TRDN: variants seen among roughly 807,000 people sequenced by gnomAD.
TRDN encodes triadin, also known as triadin in skeletal muscle.
Under a neutral mutation model 149.7 loss-of-function variants are expected in TRDN, and 161 were observed. That is an observed-to-expected ratio of 1.08 (90% confidence interval 0.95 to 1.23). The LOEUF (loss-of-function observed/expected upper bound fraction) is 1.23. Ranked by LOEUF, TRDN falls within the 50% of genes most tolerant of loss-of-function variation. TRDN has a pLI of 0.00. For missense variants in TRDN, 896 were observed against 823.5 expected (o/e 1.09, Z -1.08); for synonymous variants, 294 against 250.5 (o/e 1.17, Z -1.64).
At chr6:123,455,418 GTGTGTGTGTGTGTGTGTGTGTC>G (rs1776051359) in intron 10 of TRDN, among the ~76,000 whole-genome samples, 1 of 148,842 alleles carries the variant, frequency 6.7e-6, no homozygotes. Flanking sequence ...GTGTGTGTGT[GTGTGTGTGTGTGTGTGTGTGTC>G]TGTGTGTGTT....
chr6:123,286,517 G>T (rs1777809987), intron 24 of TRDN, among the ~76,000 whole-genome samples: 1 of 151,952 alleles, frequency 6.6e-6, no homozygotes, highest in African/African-American at 2.4e-5. Flanking sequence ...GCATTTTGGG[G>T]ACCAGTTTGA....
chr6:123,504,047 G>T, intron 7 of TRDN, 146 bp from the exon 8 acceptor site: 1 of 817,940 alleles, frequency 1.2e-6, no homozygotes, highest in Non-Finnish European at 1.8e-6. Context: ...GTATTTTTCA[G>T]GAAAACAATG....
chr6:123,560,628 A>T (rs564898214), intron 2 of TRDN, among the ~76,000 whole-genome samples: 22 of 152,268 alleles, frequency 1.4e-4, no homozygotes, highest in African/African-American at 4.6e-4. Context: ...TAAGGTAATT[A>T]AAAAAGCAGC....
chr6:123,366,128 C>CA lies in TRDN; in HGVS notation c.1321+6dup. 1 of 1,609,988 alleles carries CA rather than the reference C, an allele frequency of 6.2e-7. No homozygotes were observed. Among genetic ancestry groups the CA allele is most frequent in the Non-Finnish European group, 8.5e-7 (1 of 1,176,940 alleles). On this transcript the variant is annotated splice_region_variant and intron_variant, in intron 20 of 40. Transcript: ENST00000334268. ...TTATGACATCTTTATCTTTAAGCTG[C>CA]ATTTACCTTTTTTAATTGAAACCGC...
At chr6:123,557,130 G>A (rs774603137) in intron 2 of TRDN, among the ~76,000 whole-genome samples, 2 of 131,446 alleles carry the variant, frequency 1.5e-5, no homozygotes, top group East Asian at 2.4e-4. Context: ...CTTATAAAAC[G>A]GCCGCACCCC....
intron 24 of TRDN, among the ~76,000 whole-genome samples, chr6:123,279,649 C>T (rs541940057): frequency 1.3e-5 from 2 of 152,144 alleles, no homozygotes; most frequent in South Asian, 2.1e-4. Context: ...CATTAATTCA[C>T]TGTAATCTAG....
At chr6:123,438,626 A>G (rs1423332893) in intron 11 of TRDN, among the ~76,000 whole-genome samples, 1 of 152,164 alleles carries the variant, frequency 6.6e-6, no homozygotes, top group Admixed American at 6.5e-5. Flanking sequence ...AGACTGAATT[A>G]GTTAAATAGT....
At chr6:123,560,468 T>C (rs2114495494) in intron 2 of TRDN, among the ~76,000 whole-genome samples, 2 of 152,274 alleles carry the variant, frequency 1.3e-5, no homozygotes, top group Admixed American at 1.3e-4. Context: ...GCCACTTTAC[T>C]TCCAAAGGAA....
intron 1 of TRDN, among the ~76,000 whole-genome samples, chr6:123,572,716 A>T (rs1782646898): frequency 6.6e-6 from 1 of 152,126 alleles, no homozygotes; most frequent in Non-Finnish European, 1.5e-5. Flanking sequence ...GTTAAAAAAC[A>T]TTTTTGTGTA....
chr6:123,288,491 G>A (rs1271570050), intron 24 of TRDN, among the ~76,000 whole-genome samples: 1 of 151,976 alleles, frequency 6.6e-6, no homozygotes, highest in Non-Finnish European at 1.5e-5. Context: ...TTCTGATAAA[G>A]GGCTAAAAGC....
intron 12 of TRDN, among the ~76,000 whole-genome samples, chr6:123,433,069 C>A (rs1317056587): frequency 6.8e-6 from 1 of 146,428 alleles, no homozygotes; most frequent in Non-Finnish European, 1.5e-5. Context: ...TTAATAAAGT[C>A]CAAACACCTA....
intron 23 of TRDN, among the ~76,000 whole-genome samples, chr6:123,326,663 T>C (rs1779468276): frequency 6.6e-6 from 1 of 151,970 alleles, no homozygotes; most frequent in Non-Finnish European, 1.5e-5. Context: ...TCTATTTGAA[T>C]TGAACTGTGT....
At chr6:123,443,317 G>A (rs925407582) in intron 10 of TRDN, among the ~76,000 whole-genome samples, 2 of 151,596 alleles carry the variant, frequency 1.3e-5, no homozygotes, top group Non-Finnish European at 1.5e-5. Flanking sequence ...ATTAAAGCCT[G>A]AGACCATAGG....
Position 123,520,370 on chromosome 6 carries a change from C to T in TRDN, c.485-4164G>A, listed in dbSNP as rs1247485261. On this transcript the variant is annotated intron_variant, in intron 5 of 40. Coordinates refer to ENST00000334268, the MANE Select transcript of TRDN (RefSeq NM_006073.4). ...ATAAGAAAATATGCTCATAAGAGTC[C>T]GTGACAGACCAGGAAAAGAATGTAG... is the stretch of plus-strand genomic sequence containing the variant. Among the ~76,000 whole-genome samples the T allele has an allele frequency of 4.6e-5, 7 of 152,092 alleles. No individual in the cohort carries two copies. The South Asian group carries it at 8.3e-4, about 18-fold the overall frequency.
rs529120936 is a variant in TRDN at position 123,444,845 on chromosome 6, C to T, written c.932-5842G>A. 2.6e-5 allele frequency among the ~76,000 whole-genome samples: 4 copies of T among 152,294 alleles called. No homozygotes were observed. In the South Asian group the frequency reaches 6.2e-4, roughly 24 times the overall value. On this transcript the variant is annotated intron_variant, in intron 10 of 40. Transcript: ENST00000334268. ...ATTTATTGATTTGCGTATGTTGAAC[C>T]AGCCTTGCATTCCAGGGATGAAGCC...
intron 23 of TRDN, among the ~76,000 whole-genome samples, chr6:123,316,969 G>A (rs1303525128): frequency 6.6e-6 from 1 of 151,528 alleles, no homozygotes; most frequent in Non-Finnish European, 1.5e-5. Flanking sequence ...ATTTCCGTTA[G>A]TATCAATTTT....
Position 123,450,269 on chromosome 6 carries a change from T to C in TRDN, c.932-11266A>G, listed in dbSNP as rs528863480. 2.6e-5 allele frequency among the ~76,000 whole-genome samples: 4 copies of C among 152,146 alleles called. No individual in the cohort carries two copies. In the East Asian group the frequency reaches 7.7e-4, roughly 29 times the overall value. On this transcript the variant is annotated intron_variant, in intron 10 of 40. Coordinates refer to ENST00000334268, the MANE Select transcript of TRDN (RefSeq NM_006073.4). ...CATTGAATGTAAACGGCCTAAATGC[T>C]CCACTTAAAAGATACAGAACCACAG...
intron 26 of TRDN, among the ~76,000 whole-genome samples, chr6:123,276,963 G>A (rs1015385935): frequency 1.3e-5 from 2 of 152,152 alleles, no homozygotes; most frequent in African/African-American, 4.8e-5. Flanking sequence ...CAGTCCCAGA[G>A]TACAGAGCAC....
At chr6:123,626,048 T>G (rs1785644316) in intron 1 of TRDN, among the ~76,000 whole-genome samples, 1 of 152,202 alleles carries the variant, frequency 6.6e-6, no homozygotes, top group South Asian at 2.1e-4. Flanking sequence ...TTAATCCTCT[T>G]AAACCCAGCC....
Sources: allele counts gnomAD v4.1 joint callset (sites outside exome capture counted in the v4.1 genomes callset), GRCh38; gene constraint gnomAD v4.1.1; transcripts MANE v1.5; gene names NCBI Gene and HGNC (gene_info 2026-07-23, HGNC 2026-07-21).